Variants in SCUBE3 observed in about 807,000 individuals in gnomAD.
SCUBE3 encodes the protein signal peptide, CUB domain and EGF like domain containing 3, also known as signal peptide, CUB and EGF-like domain-containing protein 3.
In SCUBE3, 33 loss-of-function variants were observed where a neutral mutation model predicts 116.8. That is an observed-to-expected ratio of 0.28 (90% CI 0.21 to 0.38). SCUBE3 has a LOEUF of 0.38. Among genes scored for constraint, SCUBE3 ranks in the 10% least tolerant of loss-of-function variants. The probability of loss-of-function intolerance (pLI) is 1.00; values close to 1 mark genes in which losing one functional copy is unlikely to be tolerated. For synonymous variants in SCUBE3, 418 were observed against 496.9 expected (o/e 0.84, Z 2.11); for missense variants, 1,007 against 1,324.8 (o/e 0.76, Z 3.72).
In SCUBE3 at chr6:35,245,732, T is replaced by G. The variant is rs1212783944; in HGVS notation, c.2600-212T>G. On this transcript the variant is annotated intron_variant, in intron 19 of 21. Transcript: ENST00000274938. The surrounding 1 kb of genome is among the most constrained non-coding windows in gnomAD (Gnocchi z 4.2). ...TTTAAATGTCATATTTATTACACTATGTGAGTGCCCAGGTATCAAGGAGGA... is the reference window on the plus strand; with the variant it reads ...TTTAAATGTCATATTTATTACACTAGGTGAGTGCCCAGGTATCAAGGAGGA... Among the ~76,000 whole-genome samples, 1 of 152,152 alleles carries G rather than the reference T, an allele frequency of 6.6e-6. No individual in the cohort carries two copies. The highest frequency in any genetic ancestry group is 1.9e-4 in the East Asian group (1 of 5,198).
At position 35,219,672 on chromosome 6, in the gene SCUBE3, TG is replaced by T; in HGVS notation, c.85+5173del. On this transcript the variant is annotated intron_variant, in intron 1 of 21. Coordinates refer to ENST00000274938, the MANE Select transcript of SCUBE3 (RefSeq NM_152753.4). The surrounding 1 kb of genome is among the most constrained non-coding windows in gnomAD (Gnocchi z 4.7). ...CACATCTAAGGAATCCCTCTGAAAG[TG>T]GGGAGTATCAGGATATGTGGGCATT... 6.7e-6 allele frequency among the ~76,000 whole-genome samples: 1 copy of T among 148,480 alleles called. No homozygotes were observed. The highest frequency in any genetic ancestry group is 1.5e-5 in the Non-Finnish European group (1 of 67,092).
In SCUBE3 at chr6:35,244,489, G is replaced by A. The variant is rs1441526767; in HGVS notation, c.2240-161G>A. Among the ~76,000 whole-genome samples the A allele has an allele frequency of 6.6e-6, 1 of 152,168 alleles. No homozygotes were observed. The highest frequency in any genetic ancestry group is 1.5e-5 in the Non-Finnish European group (1 of 68,028). On this transcript the variant is annotated intron_variant, in intron 17 of 21. Transcript: ENST00000274938. This position sits in a 1 kb window ranked among gnomAD's most constrained non-coding sequence, Gnocchi z 4.3. ...CTCTGTAAACTCTGTTTTTCCGTGG[G>A]CTTAAATTCTGGCATGACTGGGAAA...
In SCUBE3 at chr6:35,242,206, G is replaced by T. The variant is rs143654562; in HGVS notation, c.1420G>T (p.Ala474Ser). ...NSTNSNHCHE[A>S]AVLSIKQRAS... ...CTGAGTTTCTACCATCCCTCTAGAGGCTGCAGTGCTGTCCATTAAACAACG... is the reference window on the plus strand; with the variant it reads ...CTGAGTTTCTACCATCCCTCTAGAGTCTGCAGTGCTGTCCATTAAACAACG... Residue 474 changes from alanine to serine, a missense_variant and splice_region_variant, in exon 13 of 22, where the codon GCT (alanine) becomes TCT (serine). Coordinates refer to ENST00000274938, the MANE Select transcript of SCUBE3 (RefSeq NM_152753.4). 3.7e-6 allele frequency: 6 copies of T among 1,608,808 alleles called. No homozygotes were observed. In the African/African-American group the frequency reaches 8.0e-5, roughly 22 times the overall value.
Position 35,245,163 on chromosome 6 carries a change from C to T in SCUBE3, c.2402-65C>T, listed in dbSNP as rs1178230570. ...CTCTACTTCAGAACTCTTCAATTCC[C>T]CCAGCACACTTCCCCACTGACTTCC... is the stretch of plus-strand genomic sequence containing the variant. On this transcript the variant is annotated intron_variant, in intron 18 of 21. Coordinates refer to ENST00000274938, the MANE Select transcript of SCUBE3 (RefSeq NM_152753.4). This position sits in a 1 kb window ranked among gnomAD's most constrained non-coding sequence, Gnocchi z 4.2. The T allele has an allele frequency of 2.1e-6, 3 of 1,448,846 alleles. No homozygotes were observed. Among genetic ancestry groups the T allele is most frequent in the African/African-American group, 2.8e-5 (2 of 71,808 alleles). 89.7% of individuals were successfully genotyped at this position (1,448,846 alleles called of 1,614,324 possible).
At chr6:35,226,583 A>G (rs1783336776) in intron 1 of SCUBE3, among the ~76,000 whole-genome samples, 1 of 142,030 alleles carries the variant, frequency 7.0e-6, no homozygotes, top group Admixed American at 7.9e-5. Flanking sequence ...CCCTGGTTCA[A>G]GCGATTCTCC....
In SCUBE3 at chr6:35,228,541, A is replaced by G. The variant is rs1783414016; in HGVS notation, c.209-73A>G. 5.8e-6 allele frequency: 9 copies of G among 1,555,746 alleles called. No homozygotes were observed. Among genetic ancestry groups the G allele is most frequent in the East Asian group, 4.5e-5 (2 of 44,048 alleles). On this transcript the variant is annotated intron_variant, in intron 2 of 21. Coordinates refer to ENST00000274938, the MANE Select transcript of SCUBE3 (RefSeq NM_152753.4). This position sits in a 1 kb window ranked among gnomAD's most constrained non-coding sequence, Gnocchi z 4.9. ...TGAACATAACTATGTAAACACAACC[A>G]TAAGGCTGAGTCTGGGGGTGGACAG...
chr6:35,245,924 C>T lies in SCUBE3; in HGVS notation c.2600-20C>T, dbSNP rs898397497. 1 of 1,613,106 alleles carries T rather than the reference C, an allele frequency of 6.2e-7. No homozygotes were observed. The highest frequency in any genetic ancestry group is 1.3e-5 in the African/African-American group (1 of 75,028). ...GTAGCCTGCCCTGCTGCTCTACTGA[C>T]CTGCTGCTTGCCTTCCCAGCATCCC... On this transcript the variant is annotated intron_variant, in intron 19 of 21. Transcript: ENST00000274938. The surrounding 1 kb of genome is among the most constrained non-coding windows in gnomAD (Gnocchi z 4.2).
intron 1 of SCUBE3, among the ~76,000 whole-genome samples, chr6:35,218,889 C>CTAAG (rs1041884576): frequency 3.9e-5 from 6 of 152,274 alleles, no homozygotes; most frequent in African/African-American, 1.4e-4. Flanking sequence ...AATGCAGAGC[C>CTAAG]TAAGGATTTG....
chr6:35,220,312 C>G (rs1297839734), intron 1 of SCUBE3: 1 of 152,192 alleles, frequency 6.6e-6, no homozygotes, highest in Non-Finnish European at 1.5e-5. Flanking sequence ...TGAGAGAGGA[C>G]AGTTTGAAGA....
Position 35,227,614 on chromosome 6 carries a change from C to T in SCUBE3, c.120C>T (p.Cys40=), listed in dbSNP as rs1783379287. 3.7e-6 allele frequency: 6 copies of T among 1,614,068 alleles called. No homozygotes were observed. The highest frequency in any genetic ancestry group is 5.1e-6 in the Non-Finnish European group (6 of 1,179,936). Residue 40 remains cysteine, a synonymous_variant, in exon 2 of 22, where the codon TGC becomes TGT. Transcript: ENST00000274938. ...AGTGTGTGGAGGGGACTGACAACTG[C>T]CACATCGATGCTATCTGCCAGAACA... is the stretch of plus-strand genomic sequence containing the variant. The part of the protein sequence containing the change: ...VDECVEGTDN[C]HIDAICQNTP...
Position 35,238,027 on chromosome 6 carries a change from T to A in SCUBE3, c.829+9T>A. ...CAGGAAGACGTGCAAAGGTAAGGAC[T>A]TTGAGAGGACAGAAGCAGAGTGACC... On this transcript the variant is annotated intron_variant, in intron 7 of 21. Coordinates refer to ENST00000274938, the MANE Select transcript of SCUBE3 (RefSeq NM_152753.4). 3 of 1,531,604 alleles carry A rather than the reference T, an allele frequency of 2.0e-6. No individual in the cohort carries two copies. Among genetic ancestry groups the A allele is most frequent in the Non-Finnish European group, 2.7e-6 (3 of 1,107,106 alleles). 94.9% of individuals were successfully genotyped at this position (1,531,604 alleles called of 1,614,324 possible). A position where few individuals can be genotyped will look rare whatever the true frequency, so the allele number is the denominator to read the frequency against.
rs1223204152 is a variant in SCUBE3, at chr6:35,228,942, A to G, written c.334+203A>G. On this transcript the variant is annotated intron_variant, in intron 3 of 21. Transcript: ENST00000274938. This position sits in a 1 kb window ranked among gnomAD's most constrained non-coding sequence, Gnocchi z 4.9. ...GAAAAACATTAGAGGAAAAGCTGCT[A>G]CGAAATGCTCCTAGGGCAAGGGCCA... 6.6e-6 allele frequency among the ~76,000 whole-genome samples: 1 copy of G among 152,224 alleles called. No individual in the cohort carries two copies. Among genetic ancestry groups the G allele is most frequent in the African/African-American group, 2.4e-5 (1 of 41,458 alleles).
At chr6:35,237,699 T>C (rs750195634) in intron 6 of SCUBE3, among the ~76,000 whole-genome samples, 2 of 152,134 alleles carry the variant, frequency 1.3e-5, no homozygotes, top group African/African-American at 2.4e-5. Flanking sequence ...AGTGGACTGC[T>C]TGGCTGTACT....
intron 1 of SCUBE3, chr6:35,220,502 A>G (rs978619084): frequency 2.0e-5 from 3 of 151,982 alleles, no homozygotes; most frequent in African/African-American, 7.3e-5. Context: ...CCCCCACTTC[A>G]CTACCCATCC....
chr6:35,216,470 T>C (rs950563665), intron 1 of SCUBE3, among the ~76,000 whole-genome samples: 2 of 152,208 alleles, frequency 1.3e-5, no homozygotes, highest in Admixed American at 6.5e-5. Flanking sequence ...AAGCCTTTCA[T>C]TGACCCTTCT....
intron 7 of SCUBE3, among the ~76,000 whole-genome samples, chr6:35,238,514 A>G (rs1783876103): frequency 6.6e-6 from 1 of 152,196 alleles, no homozygotes; most frequent in South Asian, 2.1e-4. Flanking sequence ...TTCAGATCCC[A>G]GCCCTGTCTC....
intron 1 of SCUBE3, chr6:35,221,341 A>C (rs1325518525): frequency 6.6e-6 from 1 of 152,126 alleles, no homozygotes; most frequent in Admixed American, 6.5e-5. Flanking sequence ...ACCCCTCTGA[A>C]TTTAGTTTCC....
intron 6 of SCUBE3, among the ~76,000 whole-genome samples, 156 bp from the exon 7 acceptor site, chr6:35,237,746 G>T (rs1240172072): frequency 1.3e-5 from 2 of 152,170 alleles, no homozygotes; most frequent in African/African-American, 4.8e-5. Context: ...TGGGAGGAAA[G>T]GGGCTGGGAG....
rs148018481 is a variant in SCUBE3, at chr6:35,241,535, C to A, written c.1196-8C>A. On this transcript the variant is annotated splice_polypyrimidine_tract_variant and splice_region_variant and intron_variant, in intron 10 of 21. Transcript: ENST00000274938. This position sits in a 1 kb window ranked among gnomAD's most constrained non-coding sequence, Gnocchi z 4.1. ...ATTCATTTGCTCAGGCCTCTCTCCC[C>A]TTCCTAGAGCCACTGAAGTGTCAGG... The A allele has an allele frequency of 1.1e-3, 1,792 of 1,600,132 alleles. 18 individuals are homozygous for A. Among genetic ancestry groups the A allele is most frequent in the East Asian group, 3.4e-3 (151 of 44,828 alleles).
Sources: allele counts gnomAD v4.1 joint callset (sites outside exome capture counted in the v4.1 genomes callset), GRCh38; gene constraint gnomAD v4.1.1; non-coding constraint Gnocchi (gnomAD v3.1); transcripts MANE v1.5; gene names NCBI Gene and HGNC (gene_info 2026-07-23, HGNC 2026-07-21).